The following ACER3 variants were observed in gnomAD, a reference collection of about 807,000 sequenced individuals.
ACER3 encodes alkCDase 3.
In ACER3, 16 loss-of-function variants were observed where a neutral mutation model predicts 48.9. The ratio of observed to expected loss-of-function variants is 0.33; its 90% confidence interval spans 0.22 to 0.50. ACER3 has a LOEUF of 0.50. Among genes scored for constraint, ACER3 ranks in the 20% least tolerant of loss-of-function variants. ACER3 has a pLI of 0.98. For missense variants in ACER3, 227 were observed against 326.0 expected, an observed-to-expected ratio of 0.70 and a Z score of 2.34; for synonymous variants, 109 against 107.8, an observed-to-expected ratio of 1.01 and a Z score of -0.07.
intron 2 of ACER3, among the ~76,000 whole-genome samples, chr11:76,926,999 T>A (rs1946847172): frequency 6.6e-6 from 1 of 152,154 alleles, no homozygotes; most frequent in Non-Finnish European, 1.5e-5. Flanking sequence ...TTACTACAGA[T>A]AAAATTAAAA....
intron 4 of ACER3, 113 bp from the exon 5 acceptor site, chr11:76,985,530 A>C (rs1371722103): frequency 3.1e-6 from 2 of 650,356 alleles, no homozygotes; most frequent in Non-Finnish European, 5.0e-6. Context: ...GAGTGGAAAG[A>C]AATGATGGAT....
rs545035417 is a variant in ACER3, at chr11:77,018,764, C to T, written c.705-967C>T. Among the ~76,000 whole-genome samples the T allele has an allele frequency of 2.6e-5, 4 of 152,310 alleles. No individual in the cohort carries two copies. In the East Asian group the frequency reaches 7.7e-4, roughly 29 times the overall value. ...AGCCAAGGCCTAATCCAGATCAAGG[C>T]CCCAACTCACTTCAGTTCTGTGAAG... On this transcript the variant is annotated intron_variant, in intron 9 of 10. Coordinates refer to ENST00000532485, the MANE Select transcript of ACER3 (RefSeq NM_018367.7).
chr11:76,915,607 T>G (rs564454301), intron 1 of ACER3, among the ~76,000 whole-genome samples: 1 of 152,324 alleles, frequency 6.6e-6, no homozygotes, highest in South Asian at 2.1e-4. Flanking sequence ...CCGGCCTCAC[T>G]CATGCCTAAC....
At chr11:76,908,918 C>T (rs1470213747) in intron 1 of ACER3, among the ~76,000 whole-genome samples, 1 of 152,128 alleles carries the variant, frequency 6.6e-6, no homozygotes, top group Non-Finnish European at 1.5e-5. Flanking sequence ...GGTACCAAAA[C>T]AGATATATAG....
intron 7 of ACER3, among the ~76,000 whole-genome samples, chr11:77,004,062 T>A (rs1270450804): frequency 6.6e-6 from 1 of 152,232 alleles, no homozygotes; most frequent in Non-Finnish European, 1.5e-5. Context: ...CTTCTACATA[T>A]GTCAATTAGA....
intron 3 of ACER3, among the ~76,000 whole-genome samples, chr11:76,973,300 A>G (rs983003385): frequency 6.6e-6 from 1 of 152,090 alleles, no homozygotes. Context: ...CAGCCTTGAG[A>G]CACTGAGATA....
At chr11:76,908,595 A>G (rs1946293731) in intron 1 of ACER3, among the ~76,000 whole-genome samples, 1 of 152,180 alleles carries the variant, frequency 6.6e-6, no homozygotes, top group Admixed American at 6.5e-5. Flanking sequence ...AGGAAATAAG[A>G]GAGGACACAA....
chr11:77,007,114 GAAA>G (rs34934546), intron 7 of ACER3, among the ~76,000 whole-genome samples: 1 of 141,922 alleles, frequency 7.0e-6, no homozygotes, highest in Non-Finnish European at 1.5e-5. Flanking sequence ...CCTGTCTCTT[GAAA>G]AAAAAAAAAA....
chr11:76,904,839 GTA>G (rs1200156991), intron 1 of ACER3, among the ~76,000 whole-genome samples: 1 of 133,994 alleles, frequency 7.5e-6, no homozygotes, highest in African/African-American at 3.5e-5. Flanking sequence ...TTTTCTCTAT[GTA>G]TGTGTGTGTG....
At chr11:76,864,304 G>A (rs904281087) in intron 1 of ACER3, among the ~76,000 whole-genome samples, 4 of 152,236 alleles carry the variant, frequency 2.6e-5, no homozygotes, top group Non-Finnish European at 4.4e-5. Flanking sequence ...TCATAGTGTG[G>A]GACCACACAA....
chr11:76,937,793 A>G (rs888719179), intron 2 of ACER3, among the ~76,000 whole-genome samples: 2 of 152,166 alleles, frequency 1.3e-5, no homozygotes, highest in South Asian at 4.1e-4. Context: ...AAAGTATGTT[A>G]TTATTTCACA....
At chr11:76,901,877 G>A (rs1946091474) in intron 1 of ACER3, among the ~76,000 whole-genome samples, 1 of 152,070 alleles carries the variant, frequency 6.6e-6, no homozygotes, top group African/African-American at 2.4e-5. Context: ...CTGTCTGCTT[G>A]TGGATTTCAT....
chr11:77,004,037 A>G (rs1240636832), intron 7 of ACER3, among the ~76,000 whole-genome samples: 2 of 152,212 alleles, frequency 1.3e-5, no homozygotes, highest in African/African-American at 4.8e-5. Context: ...GTATTCTGCT[A>G]TTGTTTGATA....
chr11:76,944,970 C>A (rs1947436434), intron 2 of ACER3, among the ~76,000 whole-genome samples: 1 of 149,088 alleles, frequency 6.7e-6, no homozygotes, highest in Non-Finnish European at 1.5e-5. Context: ...TTCTGAGATT[C>A]TTTCTTCTGC....
rs910955418 is a variant in ACER3 at position 77,022,864 on chromosome 11, G to A, written c.*2537G>A. ...GGGCATGGTGGCAGAGCGAGACTCC[G>A]TCTCAAAAAAAAAAAAAAAAAAAAA... On this transcript the variant is annotated 3_prime_UTR_variant, in exon 11 of 11. Coordinates refer to ENST00000532485, the MANE Select transcript of ACER3 (RefSeq NM_018367.7). 1.2e-4 allele frequency: 35 copies of A among 282,184 alleles called. No individual in the cohort carries two copies. The highest frequency in any genetic ancestry group is 2.0e-4 in the South Asian group (1 of 5,106). The allele number at this position is 282,184 out of a possible 1,614,324, so 17.5% of individuals were successfully genotyped here. A position where few individuals can be genotyped will look rare whatever the true frequency, so the allele number is the denominator to read the frequency against.
At chr11:76,893,666 A>T (rs1009705117) in intron 1 of ACER3, among the ~76,000 whole-genome samples, 1 of 152,168 alleles carries the variant, frequency 6.6e-6, no homozygotes, top group East Asian at 1.9e-4. Context: ...AAACAGAGAG[A>T]GAGAGAAAAT....
chr11:76,910,624 C>A (rs1047053011), intron 1 of ACER3, among the ~76,000 whole-genome samples: 1 of 151,914 alleles, frequency 6.6e-6, no homozygotes, highest in Admixed American at 6.6e-5. Flanking sequence ...AGAAAATATA[C>A]CATTAATAAA....
rs550403473 is a variant in ACER3, at chr11:76,881,578, A to C, written c.103+20499A>C. On this transcript the variant is annotated intron_variant, in intron 1 of 10. Transcript: ENST00000532485. ...TGGACCACTTCATGAAAAATGTAGA[A>C]GCTTGCACAATAAGGCAACTATATA... Among the ~76,000 whole-genome samples the C allele has an allele frequency of 2.0e-5, 3 of 152,308 alleles. No homozygotes were observed. In the East Asian group the frequency reaches 5.8e-4, roughly 29 times the overall value.
At chr11:76,967,515 T>C (rs1243795175) in intron 3 of ACER3, among the ~76,000 whole-genome samples, 1 of 152,150 alleles carries the variant, frequency 6.6e-6, no homozygotes, top group African/African-American at 2.4e-5. Flanking sequence ...CCAATATCCT[T>C]GATGAACATT....
Sources: allele counts gnomAD v4.1 joint callset (sites outside exome capture counted in the v4.1 genomes callset), GRCh38; gene constraint gnomAD v4.1.1; transcripts MANE v1.5; gene names NCBI Gene and HGNC (gene_info 2026-07-23, HGNC 2026-07-21).